HS2ST1: variants seen among roughly 807,000 people sequenced by gnomAD.
HS2ST1 encodes heparan sulfate 2-O-sulfotransferase 1.
Under a neutral mutation model 42.9 loss-of-function variants are expected in HS2ST1, and 18 were observed. The ratio of observed to expected loss-of-function variants is 0.42; its 90% confidence interval spans 0.29 to 0.62. The LOEUF (loss-of-function observed/expected upper bound fraction) is 0.62, where lower values mean the gene tolerates loss of function less well. Ranked by LOEUF, HS2ST1 falls within the 20% of genes least tolerant of loss-of-function variation. The pLI is 0.21. For synonymous variants in HS2ST1, 146 were observed against 152.9 expected (o/e 0.95, Z 0.33); for missense variants, 334 against 433.8 (o/e 0.77, Z 2.04).
In HS2ST1 at chr1:87,099,859, G is replaced by A. The variant is rs537262228; in HGVS notation, c.686+1924G>A. 4.6e-5 allele frequency among the ~76,000 whole-genome samples: 7 copies of A among 152,282 alleles called. No homozygotes were observed. The East Asian group carries it at 7.7e-4, about 17-fold the overall frequency. ...GGGAGAAATTGGCCAAAAGAAAGGC[G>A]CAGTAGGCCCCACACAAGTCTAAAA... On this transcript the variant is annotated intron_variant, in intron 5 of 6. Coordinates refer to ENST00000370550, the MANE Select transcript of HS2ST1 (RefSeq NM_012262.4).
intron 1 of HS2ST1, among the ~76,000 whole-genome samples, chr1:86,949,424 A>C (rs1647435556): frequency 6.6e-6 from 1 of 152,140 alleles, no homozygotes; most frequent in South Asian, 2.1e-4. Flanking sequence ...TCTTCACTTT[A>C]AATTTTTTAT....
intron 1 of HS2ST1, chr1:86,993,068 A>C (rs1425623291): frequency 6.3e-7 from 1 of 1,590,906 alleles, no homozygotes; most frequent in Non-Finnish European, 8.6e-7. Context: ...AAGGTCACCA[A>C]GTCTTTCCTG....
intron 4 of HS2ST1, among the ~76,000 whole-genome samples, chr1:87,096,535 C>T (rs1652070743): frequency 6.6e-6 from 1 of 152,126 alleles, no homozygotes. Flanking sequence ...TGCTTGAAAG[C>T]TTAATTTTTA....
At chr1:87,004,909 A>G (rs924612044) in intron 1 of HS2ST1, among the ~76,000 whole-genome samples, 2 of 152,226 alleles carry the variant, frequency 1.3e-5, no homozygotes, top group Non-Finnish European at 2.9e-5. Flanking sequence ...TTAGTAAAGG[A>G]CAATCTATTT....
chr1:86,989,181 G>A (rs1648875267), intron 1 of HS2ST1, among the ~76,000 whole-genome samples: 1 of 152,182 alleles, frequency 6.6e-6, no homozygotes, highest in Non-Finnish European at 1.5e-5. Context: ...GACCAATTTA[G>A]TTCAGTAGAC....
At chr1:87,016,777 A>G (rs912196115) in intron 1 of HS2ST1, among the ~76,000 whole-genome samples, 2 of 152,094 alleles carry the variant, frequency 1.3e-5, no homozygotes, top group Non-Finnish European at 2.9e-5. Context: ...GTTCAGCCGT[A>G]TCCTCTGGAC....
chr1:86,957,405 C>G (rs1647704243), intron 1 of HS2ST1, among the ~76,000 whole-genome samples: 1 of 152,208 alleles, frequency 6.6e-6, no homozygotes, highest in Admixed American at 6.5e-5. Flanking sequence ...TTATGCTTAA[C>G]CACTTTGCTG....
intron 1 of HS2ST1, among the ~76,000 whole-genome samples, chr1:86,977,168 G>C (rs1181591724): frequency 6.6e-6 from 1 of 152,128 alleles, no homozygotes; most frequent in Non-Finnish European, 1.5e-5. Flanking sequence ...AAGAATATTA[G>C]TGCAGTTCTT....
Position 87,084,237 on chromosome 1 carries a change from C to T in HS2ST1, c.407C>T (p.Pro136Leu). 2 of 1,604,108 alleles carry T rather than the reference C, an allele frequency of 1.2e-6. No individual in the cohort carries two copies. The highest frequency in any genetic ancestry group is 1.7e-6 in the Non-Finnish European group (2 of 1,175,314). The change falls in exon 3 of 7, where the codon CCA (proline) becomes CTA (leucine). Residue 136 changes from proline (P) to leucine (L), a missense_variant. By Grantham distance (98) the Pro-to-Leu change is moderately conservative (BLOSUM62 -3). Coordinates refer to ENST00000370550, the MANE Select transcript of HS2ST1 (RefSeq NM_012262.4). ...KNITSWKEMKPGFYHGHVSYL... is the reference protein window; with the variant it reads ...KNITSWKEMKLGFYHGHVSYL... ...ATAACTTCCTGGAAAGAGATGAAAC[C>T]AGGATTTTATCATGGACACGTTTCT...
intron 1 of HS2ST1, among the ~76,000 whole-genome samples, chr1:87,014,597 A>G (rs574225685): frequency 6.6e-6 from 1 of 152,338 alleles, no homozygotes; most frequent in East Asian, 1.9e-4. Flanking sequence ...TAAACAAACA[A>G]ACAAAAAACC....
chr1:87,079,106 G>A (rs1251461475), intron 2 of HS2ST1, among the ~76,000 whole-genome samples: 11 of 151,360 alleles, frequency 7.3e-5, no homozygotes, highest in Admixed American at 6.6e-5. Context: ...AAGATAATAT[G>A]GAATTTCAGC....
At chr1:86,989,456 T>G (rs1272670291) in intron 1 of HS2ST1, among the ~76,000 whole-genome samples, 1 of 152,234 alleles carries the variant, frequency 6.6e-6, no homozygotes, top group Non-Finnish European at 1.5e-5. Context: ...TTCCTTAAGC[T>G]TTTTATTTGC....
chr1:87,063,494 G>T (rs764301195), intron 1 of HS2ST1, among the ~76,000 whole-genome samples: 3 of 151,944 alleles, frequency 2.0e-5, no homozygotes, highest in African/African-American at 4.8e-5. Context: ...GCACCACCAC[G>T]CCTGGCTAAT....
intron 2 of HS2ST1, among the ~76,000 whole-genome samples, chr1:87,083,142 G>A (rs1651732553): frequency 6.6e-6 from 1 of 152,114 alleles, no homozygotes; most frequent in Admixed American, 6.5e-5. Context: ...CTACCAATAG[G>A]CCTTTAACAG....
In HS2ST1 at chr1:87,066,878, A is replaced by G. The variant is rs145779599; in HGVS notation, c.125-6056A>G. ...AGAATGATGGTTTTCAGCTTTATCC[A>G]TGTCCCTGCAAAGGACATGGACTCA... On this transcript the variant is annotated intron_variant, in intron 1 of 6. Coordinates refer to ENST00000370550, the MANE Select transcript of HS2ST1 (RefSeq NM_012262.4). 4.2e-3 allele frequency among the ~76,000 whole-genome samples: 635 copies of G among 152,242 alleles called. 3 individuals are homozygous for G. The highest frequency in any genetic ancestry group is 7.2e-3 in the Non-Finnish European group (489 of 68,014).
chr1:87,033,112 A>T (rs1042122460), intron 1 of HS2ST1, among the ~76,000 whole-genome samples: 1 of 152,222 alleles, frequency 6.6e-6, no homozygotes, highest in Non-Finnish European at 1.5e-5. Flanking sequence ...ATATTTATGA[A>T]TTGTTATGGA....
At chr1:86,954,561 G>C (rs1647624238) in intron 1 of HS2ST1, among the ~76,000 whole-genome samples, 1 of 152,104 alleles carries the variant, frequency 6.6e-6, no homozygotes, top group African/African-American at 2.4e-5. Context: ...ATCCTGTATA[G>C]GATCAGTAAC....
intron 1 of HS2ST1, among the ~76,000 whole-genome samples, chr1:87,022,826 C>T (rs1353765869): frequency 1.3e-5 from 2 of 152,102 alleles, no homozygotes; most frequent in African/African-American, 4.8e-5. Flanking sequence ...GCATATGCAA[C>T]TCAAAATCTT....
At chr1:87,099,687 T>C (rs376690636) in intron 5 of HS2ST1, among the ~76,000 whole-genome samples, 1 of 152,338 alleles carries the variant, frequency 6.6e-6, no homozygotes, top group Non-Finnish European at 1.5e-5. Flanking sequence ...CAAAGTCTTA[T>C]TCCAGCATTA....
Sources: allele counts gnomAD v4.1 joint callset (sites outside exome capture counted in the v4.1 genomes callset), GRCh38; gene constraint gnomAD v4.1.1; transcripts MANE v1.5; gene names NCBI Gene and HGNC (gene_info 2026-07-23, HGNC 2026-07-21).